Variants in CCSER2 observed in about 807,000 individuals in gnomAD.
The protein encoded by CCSER2 is serine-rich coiled-coil domain-containing protein 2.
In CCSER2, 46 loss-of-function variants were observed where a neutral mutation model predicts 92.3. That is an observed-to-expected ratio of 0.50 (90% CI 0.39 to 0.64). The LOEUF (loss-of-function observed/expected upper bound fraction) is 0.64. Ranked by LOEUF, CCSER2 falls within the 30% of genes least tolerant of loss-of-function variation. The pLI is 0.00. For missense variants in CCSER2, 1,244 were observed against 1,238.9 expected, an observed-to-expected ratio of 1.00 and a Z score of -0.06; for synonymous variants, 433 against 431.4, an observed-to-expected ratio of 1.00 and a Z score of -0.04.
chr10:84,417,351 A>T (rs972754925), intron 3 of CCSER2, among the ~76,000 whole-genome samples: 20 of 152,232 alleles, frequency 1.3e-4, no homozygotes, highest in African/African-American at 4.8e-4. Flanking sequence ...GAATAACCAC[A>T]TTGTTAAAGA....
At chr10:84,510,321 G>A (rs552990692) in intron 9 of CCSER2, among the ~76,000 whole-genome samples, 22 of 152,180 alleles carry the variant, frequency 1.4e-4, no homozygotes, top group African/African-American at 4.8e-4. Flanking sequence ...CGCGGTTCTG[G>A]AATGCCTCCT....
intron 9 of CCSER2, among the ~76,000 whole-genome samples, chr10:84,488,006 T>C (rs1260761141): frequency 2.0e-5 from 3 of 152,194 alleles, no homozygotes; most frequent in Non-Finnish European, 4.4e-5. Context: ...ATCATATGGT[T>C]TTTGTCTTTG....
chr10:84,345,717 A>G (rs1208534774), intron 1 of CCSER2, among the ~76,000 whole-genome samples: 1 of 152,200 alleles, frequency 6.6e-6, no homozygotes, highest in African/African-American at 2.4e-5. Context: ...GTATTGACCA[A>G]TTGAACTGTG....
At chr10:84,432,310 G>T (rs1359324325) in intron 5 of CCSER2, among the ~76,000 whole-genome samples, 1 of 152,056 alleles carries the variant, frequency 6.6e-6, no homozygotes, top group African/African-American at 2.4e-5. Flanking sequence ...ACATATACAT[G>T]GATATATTAT....
At chr10:84,407,244 A>T (rs182079141) in intron 3 of CCSER2, among the ~76,000 whole-genome samples, 1 of 152,166 alleles carries the variant, frequency 6.6e-6, no homozygotes, top group Middle Eastern at 3.2e-3. Context: ...TTTACATTCT[A>T]CCAGATTTGG....
intron 3 of CCSER2, among the ~76,000 whole-genome samples, chr10:84,383,388 G>A (rs190726078): frequency 9.2e-5 from 14 of 151,954 alleles, no homozygotes; most frequent in Middle Eastern, 3.4e-3. Context: ...TCGGCTCACT[G>A]CAAACTCCAC....
At chr10:84,496,002 T>C (rs1848429521) in intron 9 of CCSER2, among the ~76,000 whole-genome samples, 1 of 151,080 alleles carries the variant, frequency 6.6e-6, no homozygotes, top group Admixed American at 6.6e-5. Flanking sequence ...TTCTTTTCTG[T>C]ATATTAGTTT....
chr10:84,476,407 A>C (rs1430776911), intron 8 of CCSER2, among the ~76,000 whole-genome samples: 5 of 135,082 alleles, frequency 3.7e-5, no homozygotes, highest in Admixed American at 2.2e-4. Context: ...GTTATTTTCT[A>C]GCTTGTCACT....
chr10:84,396,430 T>C (rs1358846768), intron 3 of CCSER2, among the ~76,000 whole-genome samples: 2 of 151,888 alleles, frequency 1.3e-5, no homozygotes, highest in African/African-American at 4.8e-5. Context: ...ATAAGTACTG[T>C]TTTCCAAGTT....
intron 6 of CCSER2, among the ~76,000 whole-genome samples, chr10:84,446,886 T>C (rs1589689262): frequency 6.6e-6 from 1 of 152,288 alleles, no homozygotes; most frequent in Non-Finnish European, 1.5e-5. Context: ...CTCTATGGCT[T>C]CTTTCATTCA....
chr10:84,347,858 C>T (rs1023022050), intron 1 of CCSER2, among the ~76,000 whole-genome samples: 13 of 151,686 alleles, frequency 8.6e-5, no homozygotes, highest in Admixed American at 2.0e-4. Flanking sequence ...CCAGACGGGG[C>T]GGCGGGGCAG....
chr10:84,332,412 T>TATATA (rs1554828779), intron 1 of CCSER2, among the ~76,000 whole-genome samples: 11 of 82,270 alleles, frequency 1.3e-4, no homozygotes, highest in African/African-American at 5.4e-4. Flanking sequence ...ATTTATTTTT[T>TATATA]TATATATATA....
rs753486357 is a variant in CCSER2 at position 84,372,014 on chromosome 10, C to T, written c.962C>T (p.Ser321Phe). 6.2e-7 allele frequency: 1 copy of T among 1,613,678 alleles called. No individual in the cohort carries two copies. The highest frequency in any genetic ancestry group is 1.7e-5 in the Admixed American group (1 of 59,974). ...TTAGGTTATAGAATGGTTCATCCCT[C>T]TCTACTGAAATCTAGCCGATCTCCA... ...STLGYRMVHP[S>F]LLKSSRSPFS... Residue 321 changes from serine (S) to phenylalanine (F), a missense_variant, in exon 2 of 10, where the codon TCT (serine) becomes TTT (phenylalanine). Transcript: ENST00000372088.
intron 7 of CCSER2, among the ~76,000 whole-genome samples, chr10:84,465,875 C>G (rs552079126): frequency 5.3e-5 from 8 of 151,994 alleles, no homozygotes; most frequent in Non-Finnish European, 1.2e-4. Flanking sequence ...CTCAGCCTCC[C>G]GAGTAGCTGG....
At chr10:84,389,238 T>G (rs1370050251) in intron 3 of CCSER2, 2 of 469,916 alleles carry the variant, frequency 4.3e-6, no homozygotes, top group African/African-American at 4.0e-5. Context: ...CCATCAGCAT[T>G]GCAGCCCACA....
intron 3 of CCSER2, among the ~76,000 whole-genome samples, chr10:84,375,353 C>T (rs1008604998): frequency 8.5e-5 from 13 of 152,080 alleles, no homozygotes; most frequent in Admixed American, 3.9e-4. Context: ...CTGTCTTTCT[C>T]TTCTGATCTA....
intron 4 of CCSER2, among the ~76,000 whole-genome samples, chr10:84,424,731 C>T (rs1843339231): frequency 6.6e-6 from 1 of 151,898 alleles, no homozygotes; most frequent in Non-Finnish European, 1.5e-5. Context: ...TCTGAACATG[C>T]AGGACTTGAA....
At chr10:84,361,122 G>A (rs11591310) in intron 1 of CCSER2, among the ~76,000 whole-genome samples, 32,331 of 152,142 alleles carry the variant, frequency 0.21, 3,663 homozygotes, top group Admixed American at 0.34. Context: ...TGCCTGTGCC[G>A]TTAAGAGGGG....
intron 6 of CCSER2, among the ~76,000 whole-genome samples, chr10:84,450,988 G>T (rs1217473376): frequency 6.6e-6 from 1 of 152,096 alleles, no homozygotes; most frequent in Non-Finnish European, 1.5e-5. Context: ...ACGATTTACA[G>T]ATTTAATACA....
Sources: gnomAD v4.1 joint callset for allele counts (sites outside exome capture counted in the v4.1 genomes callset) on GRCh38, gnomAD v4.1.1 for gene constraint, MANE v1.5 for transcripts, NCBI Gene and HGNC (gene_info 2026-07-23, HGNC 2026-07-21) for gene names.